MEFV: variants seen among roughly 807,000 people sequenced by gnomAD.
The protein encoded by MEFV is MEFV innate immunity regulator, pyrin.
MEFV carries 60 observed loss-of-function variants against 62.5 expected under a neutral mutation model. The ratio of observed to expected loss-of-function variants is 0.96; its 90% CI spans 0.78 to 1.19. MEFV has a LOEUF of 1.19. MEFV is among the 50% of genes most tolerant of loss of function. MEFV has a pLI of 0.00. For missense variants in MEFV, 1,169 were observed against 1,004.5 expected (o/e 1.16, Z -2.21); for synonymous variants, 500 against 415.2 (o/e 1.20, Z -2.48).
chr16:3,249,667 G>T lies in MEFV; in HGVS notation c.1024C>A (p.Pro342Thr). ...CSFPEAVSGH[P>T]QASGSRSPGC... ...GGTGAGCGGCTGCCTGAGGCCTGGG[G>T]GTGCCCAGAAACTGCCTCGGGGAAG... Residue 342 changes from proline to threonine, a missense_variant, in exon 3 of 10, where the codon CCC (proline) becomes ACC (threonine). Coordinates refer to ENST00000219596, the MANE Select transcript of MEFV (RefSeq NM_000243.3). The T allele has an allele frequency of 6.2e-7, 1 of 1,613,220 alleles. No individual in the cohort carries two copies. Among genetic ancestry groups the T allele is most frequent in the South Asian group, 1.1e-5 (1 of 91,004 alleles).
rs1242798883 is a variant in MEFV at position 3,248,880 on chromosome 16, G to A, written c.1356+29C>T. On this transcript the variant is annotated intron_variant, in intron 4 of 9. Transcript: ENST00000219596. Reference sequence around the variant, plus strand: ...TCTTCCCACCTTCCTCCCAGGGACGGATGGGCCATCAGCCACCTCTGACCT... The same window carrying A: ...TCTTCCCACCTTCCTCCCAGGGACGAATGGGCCATCAGCCACCTCTGACCT... The A allele has an allele frequency of 2.5e-6, 4 of 1,612,970 alleles. No homozygotes were observed. The African/African-American group carries it at 5.3e-5, about 22-fold the overall frequency.
In MEFV at chr16:3,247,219, C is replaced by A; in HGVS notation, c.1384G>T (p.Val462Leu). The A allele has an allele frequency of 6.2e-7, 1 of 1,614,112 alleles. No individual in the cohort carries two copies. Among genetic ancestry groups the A allele is most frequent in the South Asian group, 1.1e-5 (1 of 91,076 alleles). Residue 462 changes from valine to leucine, a missense_variant, in exon 5 of 10, where the codon GTG becomes TTG. Transcript: ENST00000219596. ...TACACCTGCTCCAGCTTCCTCTGCACCCGCTGCTTCAGCGCTTCAGTTTGT... is the reference window on the plus strand; with the variant it reads ...TACACCTGCTCCAGCTTCCTCTGCAACCGCTGCTTCAGCGCTTCAGTTTGT... ...LKQTEALKQR[V>L]QRKLEQVYYF...
intron 2 of MEFV, among the ~76,000 whole-genome samples, chr16:3,252,949 CAAAAA>C (rs5815167): frequency 1.9e-5 from 1 of 51,666 alleles, no homozygotes; most frequent in Non-Finnish European, 3.4e-5. Flanking sequence ...GACTCTGTCT[CAAAAA>C]AAAAAAAAAA....
At chr16:3,251,312 T>C (rs1236409206) in intron 2 of MEFV, among the ~76,000 whole-genome samples, 3 of 152,152 alleles carry the variant, frequency 2.0e-5, no homozygotes, top group Admixed American at 6.5e-5. Flanking sequence ...TAAATGGAGG[T>C]GTCACAAGCA....
chr16:3,248,799 G>T, intron 4 of MEFV, 110 bp downstream of exon 4: 3 of 1,598,560 alleles, frequency 1.9e-6, no homozygotes, highest in South Asian at 2.2e-5. Flanking sequence ...CTGAGAGGAG[G>T]TGGCCATCCC....
intron 2 of MEFV, among the ~76,000 whole-genome samples, chr16:3,252,926 G>A (rs544826653): frequency 1.4e-5 from 2 of 145,322 alleles, no homozygotes; most frequent in African/African-American, 5.1e-5. Flanking sequence ...CTCCAGCATG[G>A]GAGACAGACT....
chr16:3,243,946 G>A (rs1412194194), intron 8 of MEFV, 54 bp from the exon 9 acceptor site: 3 of 1,608,382 alleles, frequency 1.9e-6, no homozygotes, highest in Admixed American at 1.7e-5. Context: ...CATTAAGAGG[G>A]GCTAAATTAC....
In MEFV at chr16:3,254,670, CG is replaced by C. The variant is rs1329608505; in HGVS notation, c.397del (p.Arg133GlyfsTer26). 1 of 1,611,874 alleles carries C rather than the reference CG, an allele frequency of 6.2e-7. No homozygotes were observed. Among genetic ancestry groups the C allele is most frequent in the Admixed American group, 1.7e-5 (1 of 60,006 alleles). On this transcript the variant is annotated frameshift_variant, in exon 2 of 10. Transcript: ENST00000219596. LOFTEE classifies it high-confidence loss of function. ...HPEGNEGNGP[R>X]PYGGGAASLR... ...GCTGGCAGCTCCGCCCCCGTACGGC[CG>C]AGGGCCGTTCCCCTCGTTCCCCTCG...
chr16:3,255,566 G>A (rs1357464458), intron 1 of MEFV, among the ~76,000 whole-genome samples: 1 of 151,660 alleles, frequency 6.6e-6, no homozygotes, highest in Non-Finnish European at 1.5e-5. Context: ...TACCACGCCT[G>A]GCTCATTTTT....
In MEFV at chr16:3,242,956, A is replaced by C; in HGVS notation, c.*185T>G. The C allele has an allele frequency of 1.5e-6, 1 of 666,080 alleles. No homozygotes were observed. The highest frequency in any genetic ancestry group is 2.6e-6 in the Non-Finnish European group (1 of 378,638). 41.3% of individuals were successfully genotyped at this position (666,080 alleles called of 1,614,324 possible). A position where few individuals can be genotyped will look rare whatever the true frequency, so the allele number is the denominator to read the frequency against. On this transcript the variant is annotated 3_prime_UTR_variant, in exon 10 of 10. Transcript: ENST00000219596. ...GTCATCAGTACATGTCTTCACCCGG[A>C]TTGACTAACATGTTCGTTCCTAACT... is the stretch of plus-strand genomic sequence containing the variant.
Position 3,248,972 on chromosome 16 carries a change from CT to C in MEFV, c.1292del (p.Lys431ArgfsTer3). The C allele has an allele frequency of 6.2e-7, 1 of 1,614,238 alleles. No homozygotes were observed. Among genetic ancestry groups the C allele is most frequent in the Non-Finnish European group, 8.5e-7 (1 of 1,180,034 alleles). On this transcript the variant is annotated frameshift_variant, in exon 4 of 10. Transcript: ENST00000219596. LOFTEE classifies it high-confidence loss of function. ...KKIQKQLEHL[K>X]KLRKSGEEQR... is the part of the protein sequence containing the mutation. ...GCTCCTCCCCTGATTTTCTCAGCTTCTTCAGATGCTCCAGCTGCTTCTGAAT... is the reference window on the plus strand; with the variant it reads ...GCTCCTCCCCTGATTTTCTCAGCTTCTCAGATGCTCCAGCTGCTTCTGAAT...
At chr16:3,249,132 G>T in intron 3 of MEFV, 128 bp from the exon 4 acceptor site, 3 of 940,088 alleles carry the variant, frequency 3.2e-6, no homozygotes, top group Non-Finnish European at 5.1e-6. Flanking sequence ...GGCATGGGGA[G>T]GGGTGCTCAG....
chr16:3,253,610 C>A (rs1028920863), intron 2 of MEFV, among the ~76,000 whole-genome samples: 15 of 152,082 alleles, frequency 9.9e-5, no homozygotes, highest in African/African-American at 3.6e-4. Flanking sequence ...AACTCCCTGG[C>A]TCAAGCAATC....
intron 4 of MEFV, chr16:3,247,703 T>G (rs1040719734): frequency 2.2e-5 from 4 of 181,862 alleles, no homozygotes; most frequent in South Asian, 1.1e-4. Flanking sequence ...GGAGGCTGAG[T>G]TGGGCAGATC....
intron 2 of MEFV, among the ~76,000 whole-genome samples, chr16:3,251,522 C>T (rs151067773): frequency 4.9e-4 from 75 of 152,308 alleles, no homozygotes; most frequent in Admixed American, 1.5e-3. Context: ...GTGAAGGAGG[C>T]ACAAACTTCT....
At chr16:3,252,714 G>A (rs1959054896) in intron 2 of MEFV, among the ~76,000 whole-genome samples, 1 of 150,814 alleles carries the variant, frequency 6.6e-6, no homozygotes, top group South Asian at 2.1e-4. Flanking sequence ...TAAGGCGGGG[G>A]ATCGCTTGAG....
At chr16:3,250,741 C>G (rs1212554037) in intron 2 of MEFV, among the ~76,000 whole-genome samples, 1 of 151,104 alleles carries the variant, frequency 6.6e-6, no homozygotes, top group African/African-American at 2.4e-5. Flanking sequence ...AATAGAAACA[C>G]AAGGCCGAGC....
At chr16:3,253,511 T>A (rs557543145) in intron 2 of MEFV, among the ~76,000 whole-genome samples, 2 of 152,250 alleles carry the variant, frequency 1.3e-5, no homozygotes, top group African/African-American at 2.4e-5. Flanking sequence ...CTTTCTTTTT[T>A]TTTCCCCCCA....
chr16:3,251,947 T>G (rs777568876), intron 2 of MEFV: 7 of 372,562 alleles, frequency 1.9e-5, no homozygotes, highest in South Asian at 1.4e-4. Flanking sequence ...CCTGGTGCAG[T>G]GGTGCACACC....
Sources: gnomAD v4.1 joint callset for allele counts (sites outside exome capture counted in the v4.1 genomes callset) on GRCh38, gnomAD v4.1.1 for gene constraint, MANE v1.5 for transcripts, NCBI Gene and HGNC (gene_info 2026-07-23, HGNC 2026-07-21) for gene names.